Variants in BMP2K observed in about 807,000 individuals in gnomAD.
BMP2K encodes the protein BMP2 inducible kinase.
A neutral mutation model predicts 116.0 loss-of-function variants in BMP2K; 74 were observed. The ratio of observed to expected loss-of-function variants is 0.64; its 90% CI spans 0.53 to 0.77. The LOEUF (loss-of-function observed/expected upper bound fraction) is 0.77. BMP2K is among the 30% of genes least tolerant of loss of function. The pLI, the probability that BMP2K is intolerant of heterozygous loss-of-function variation, is 0.00. For missense variants in BMP2K, 1,365 were observed against 1,403.6 expected (o/e 0.97, Z 0.44); for synonymous variants, 486 against 502.5 (o/e 0.97, Z 0.44).
intron 13 of BMP2K, among the ~76,000 whole-genome samples, chr4:78,873,024 A>G (rs1246223139): frequency 6.6e-6 from 1 of 152,092 alleles, no homozygotes; most frequent in Non-Finnish European, 1.5e-5. Flanking sequence ...AGCAACATCT[A>G]ACAGCATTTA....
intron 1 of BMP2K, among the ~76,000 whole-genome samples, chr4:78,792,673 T>C (rs1361056200): frequency 6.6e-6 from 1 of 152,184 alleles, no homozygotes; most frequent in African/African-American, 2.4e-5. Flanking sequence ...ATTTTTTTTT[T>C]TTAAATTCTG....
chr4:78,830,456 A>T (rs1224045407), intron 2 of BMP2K, among the ~76,000 whole-genome samples: 2 of 152,230 alleles, frequency 1.3e-5, no homozygotes, highest in Non-Finnish European at 2.9e-5. Flanking sequence ...TAAAGTCACC[A>T]GTAGCATTTG....
At chr4:78,826,015 A>G (rs745893840) in intron 1 of BMP2K, 22 bp from the exon 2 acceptor site, 3 of 1,549,382 alleles carry the variant, frequency 1.9e-6, no homozygotes, top group South Asian at 2.3e-5. Flanking sequence ...CTTTTAAATT[A>G]ATTGGTGCTT....
intron 1 of BMP2K, among the ~76,000 whole-genome samples, chr4:78,794,418 A>G (rs1218487858): frequency 1.3e-5 from 2 of 152,176 alleles, no homozygotes; most frequent in African/African-American, 2.4e-5. Flanking sequence ...CTGAATACCA[A>G]AAGTAGACTT....
intron 3 of BMP2K, among the ~76,000 whole-genome samples, chr4:78,835,665 C>T (rs1364865259): frequency 6.6e-6 from 1 of 150,674 alleles, no homozygotes; most frequent in Non-Finnish European, 1.5e-5. Context: ...ATATCTTAAG[C>T]TGTGGCTGAA....
At position 78,916,235 on chromosome 4, in the gene BMP2K, A is replaced by G. The variant is rs1457892502; in HGVS notation, c.*4202A>G. 1 of 151,700 alleles carries G rather than the reference A, an allele frequency of 6.6e-6. No homozygotes were observed. The highest frequency in any genetic ancestry group is 1.5e-5 in the Non-Finnish European group (1 of 67,834). The allele number at this position is 151,700 out of a possible 1,614,324, so 9.4% of individuals were successfully genotyped here. On this transcript the variant is annotated 3_prime_UTR_variant, in exon 16 of 16. Transcript: ENST00000502613. ...GCCTTTACACTGCTTATTCTTTTTG[A>G]CTGAATTCTGTCCCTGATTCACTGT...
intron 13 of BMP2K, 61 bp downstream of exon 13, chr4:78,872,859 T>TG (rs751641019): frequency 1.6e-5 from 24 of 1,508,252 alleles, no homozygotes; most frequent in Non-Finnish European, 2.2e-5. Context: ...CATCGTTGAA[T>TG]GGTCGGTCAT....
At chr4:78,808,432 A>AT (rs1175610197) in intron 1 of BMP2K, among the ~76,000 whole-genome samples, 2 of 151,574 alleles carry the variant, frequency 1.3e-5, no homozygotes, top group South Asian at 4.2e-4. Context: ...CACCCGGCTA[A>AT]TTTTTTTTAT....
chr4:78,867,449 C>A (rs755231714), intron 10 of BMP2K, among the ~76,000 whole-genome samples: 17 of 152,278 alleles, frequency 1.1e-4, no homozygotes, highest in Non-Finnish European at 2.4e-4. Context: ...GATTGCCAGG[C>A]CTAATCCTGA....
rs184558054 is a variant in BMP2K at position 78,878,349 on chromosome 4, C to A, written c.1794-385C>A. On this transcript the variant is annotated intron_variant, in intron 13 of 15. Transcript: ENST00000502613. The stretch of plus-strand genomic sequence containing the variant: ...TAAGTCTTGTTTACTATGATAATAA[C>A]AGTTAATATTTATTATTTTTACTAG... Among the ~76,000 whole-genome samples, 94 of 152,228 alleles carry A rather than the reference C, an allele frequency of 6.2e-4. 1 individual carries two copies. The East Asian group carries it at 0.015, about 25-fold the overall frequency.
At chr4:78,895,020 C>T (rs1365707488) in intron 15 of BMP2K, among the ~76,000 whole-genome samples, 3 of 152,028 alleles carry the variant, frequency 2.0e-5, no homozygotes, top group African/African-American at 7.2e-5. Context: ...TATATGGGCT[C>T]AGTTTGTGGA....
At chr4:78,823,494 G>GTATATATAGTTATATATAGTTA (rs1560515764) in intron 1 of BMP2K, among the ~76,000 whole-genome samples, 1 of 146,336 alleles carries the variant, frequency 6.8e-6, no homozygotes, top group South Asian at 2.1e-4. Flanking sequence ...ATATAGTTTT[G>GTATATATAGTTATATATAGTTA]TATATATAGT....
Position 78,824,524 on chromosome 4 carries a change from C to T in BMP2K, c.179-1513C>T, listed in dbSNP as rs368525027. Among the ~76,000 whole-genome samples the T allele has an allele frequency of 2.0e-5, 3 of 152,160 alleles. No homozygotes were observed. In the East Asian group the frequency reaches 5.8e-4, roughly 29 times the overall value. On this transcript the variant is annotated intron_variant, in intron 1 of 15. Transcript: ENST00000502613. Reference sequence around the variant, plus strand: ...CACAAGAACAGTCTGAGGGAATCTGCCCCCATGTTTCAATTATCTCCACCA... The same window carrying T: ...CACAAGAACAGTCTGAGGGAATCTGTCCCCATGTTTCAATTATCTCCACCA...
chr4:78,842,957 A>C (rs577731099), intron 4 of BMP2K, among the ~76,000 whole-genome samples: 19 of 151,860 alleles, frequency 1.3e-4, no homozygotes, highest in African/African-American at 4.3e-4. Flanking sequence ...CTCTTTTTCT[A>C]TTTCTTTATA....
chr4:78,821,766 CAATT>C (rs1203176807), intron 1 of BMP2K, among the ~76,000 whole-genome samples: 1 of 152,084 alleles, frequency 6.6e-6, no homozygotes, highest in Non-Finnish European at 1.5e-5. Context: ...TCTAGTTAAT[CAATT>C]AATAACTATG....
rs1232335920 is a variant in BMP2K at position 78,914,746 on chromosome 4, T to G, written c.*2713T>G. On this transcript the variant is annotated 3_prime_UTR_variant, in exon 16 of 16. Transcript: ENST00000502613. ...TATATATATATATATATATTTGGGG[T>G]TTTTTTTCCCTAATATTATTTGGGT... 3 of 150,988 alleles carry G rather than the reference T, an allele frequency of 2.0e-5. No homozygotes were observed. The highest frequency in any genetic ancestry group is 4.4e-5 in the Non-Finnish European group (3 of 67,688). 9.4% of individuals were successfully genotyped at this position (150,988 alleles called of 1,614,324 possible).
At chr4:78,889,751 C>CA (rs767288620) in intron 15 of BMP2K, among the ~76,000 whole-genome samples, 2 of 152,114 alleles carry the variant, frequency 1.3e-5, no homozygotes, top group Non-Finnish European at 1.5e-5. Flanking sequence ...TGTGTATATA[C>CA]AATACAGAAT....
intron 6 of BMP2K, among the ~76,000 whole-genome samples, chr4:78,847,528 T>G (rs1341766485): frequency 6.6e-6 from 1 of 151,638 alleles, no homozygotes; most frequent in Admixed American, 6.6e-5. Flanking sequence ...TTTTTGAGGA[T>G]TTAGATTATA....
chr4:78,859,973 T>TTAA, intron 8 of BMP2K: 2 of 546,126 alleles, frequency 3.7e-6, no homozygotes, highest in East Asian at 8.1e-5. Context: ...ACTAATTTTA[T>TTAA]TAAGTTATTT....
Sources: gnomAD v4.1 joint callset for allele counts (sites outside exome capture counted in the v4.1 genomes callset) on GRCh38, gnomAD v4.1.1 for gene constraint, MANE v1.5 for transcripts, NCBI Gene and HGNC (gene_info 2026-07-23, HGNC 2026-07-21) for gene names.